The following RTTN variants were observed in gnomAD, a reference collection of about 807,000 sequenced individuals.
The protein encoded by RTTN is rotatin.
Under a neutral mutation model 269.2 loss-of-function variants are expected in RTTN, and 182 were observed. The ratio of observed to expected loss-of-function variants is 0.68; its 90% CI spans 0.60 to 0.76. The LOEUF (loss-of-function observed/expected upper bound fraction) is 0.76. Ranked by LOEUF, RTTN falls within the 30% of genes least tolerant of loss-of-function variation. The pLI, the probability that RTTN is intolerant of heterozygous loss-of-function variation, is 0.00. For missense variants in RTTN, 2,545 were observed against 2,608.6 expected (o/e 0.98, Z 0.53); for synonymous variants, 1,006 against 963.5 (o/e 1.04, Z -0.82).
rs544878234 is a variant in RTTN at position 70,149,263 on chromosome 18, C to A, written c.2173-226G>T. Among the ~76,000 whole-genome samples the A allele has an allele frequency of 3.9e-5, 6 of 152,080 alleles. 1 individual carries two copies. In the South Asian group the frequency reaches 1.2e-3, roughly 32 times the overall value. On this transcript the variant is annotated intron_variant, in intron 16 of 48. Coordinates refer to ENST00000640769, the MANE Select transcript of RTTN (RefSeq NM_173630.4). ...ACAGGAGAACTTCAGGAAAACATGCCAACCTTCTTGACACTTGCTGATTTT... is the reference window on the plus strand; with the variant it reads ...ACAGGAGAACTTCAGGAAAACATGCAAACCTTCTTGACACTTGCTGATTTT...
At position 70,127,748 on chromosome 18, in the gene RTTN, A is replaced by G. The variant is rs1479144320; in HGVS notation, c.3144-7T>C. On this transcript the variant is annotated splice_polypyrimidine_tract_variant and splice_region_variant and intron_variant, in intron 24 of 48. Transcript: ENST00000640769. Reference sequence around the variant, plus strand: ...CTTCAATGCATCTAAAATTCTAGACAAAAAGAAAAAAAATGAAGGAGGAAC... The same window carrying G: ...CTTCAATGCATCTAAAATTCTAGACGAAAAGAAAAAAAATGAAGGAGGAAC... The G allele has an allele frequency of 1.3e-6, 2 of 1,598,518 alleles. No homozygotes were observed. Among genetic ancestry groups the G allele is most frequent in the Non-Finnish European group, 1.7e-6 (2 of 1,169,352 alleles).
chr18:70,189,821 T>C (rs1172568000), intron 9 of RTTN, among the ~76,000 whole-genome samples: 3 of 152,236 alleles, frequency 2.0e-5, no homozygotes, highest in East Asian at 1.9e-4. Flanking sequence ...AACTGTTGTT[T>C]CATTACTAGA....
intron 28 of RTTN, among the ~76,000 whole-genome samples, chr18:70,097,469 C>T (rs1162970491): frequency 1.3e-5 from 2 of 152,110 alleles, no homozygotes; most frequent in Non-Finnish European, 2.9e-5. Flanking sequence ...GCAGATAGTC[C>T]CAAGATTAAA....
intron 10 of RTTN, among the ~76,000 whole-genome samples, chr18:70,185,300 G>C (rs73966830): frequency 0.028 from 4,294 of 152,166 alleles, 224 homozygotes; most frequent in African/African-American, 0.098. Flanking sequence ...AGATTTCTTA[G>C]ATAAAATATC....
chr18:70,201,825 A>G (rs2061960428), intron 4 of RTTN, 69 bp downstream of exon 4: 1 of 932,784 alleles, frequency 1.1e-6, no homozygotes, highest in Non-Finnish European at 1.7e-6. Context: ...CATCTTCACA[A>G]TAACGAAAAA....
chr18:70,088,178 C>T (rs1455032958), intron 30 of RTTN, 31 bp from the exon 31 acceptor site: 1 of 1,569,702 alleles, frequency 6.4e-7, no homozygotes, highest in Non-Finnish European at 8.6e-7. Flanking sequence ...GTTGTTGAAT[C>T]AAATAAGCCT....
chr18:70,192,305 C>T (rs2061690530), intron 8 of RTTN, among the ~76,000 whole-genome samples: 1 of 152,098 alleles, frequency 6.6e-6, no homozygotes, highest in Non-Finnish European at 1.5e-5. Context: ...ATGTTTCTAA[C>T]ACATTTGCAC....
In RTTN at chr18:70,108,352, C is replaced by T. The variant is rs374857725; in HGVS notation, c.3903+1146G>A. Reference sequence around the variant, plus strand: ...AAAACTGCAAACCAAGATTGTTTCACGATCAAATTCTACCTAACATTAGAG... The same window carrying T: ...AAAACTGCAAACCAAGATTGTTTCATGATCAAATTCTACCTAACATTAGAG... On this transcript the variant is annotated intron_variant, in intron 28 of 48. Coordinates refer to ENST00000640769, the MANE Select transcript of RTTN (RefSeq NM_173630.4). Among the ~76,000 whole-genome samples, 12 of 151,800 alleles carry T rather than the reference C, an allele frequency of 7.9e-5. No homozygotes were observed. The East Asian group carries it at 1.2e-3, about 15-fold the overall frequency.
In RTTN at chr18:70,140,168, C is replaced by A. The variant is rs960039652; in HGVS notation, c.2602G>T (p.Val868Leu). The A allele has an allele frequency of 6.3e-7, 1 of 1,585,326 alleles. No individual in the cohort carries two copies. The highest frequency in any genetic ancestry group is 8.7e-7 in the Non-Finnish European group (1 of 1,155,310). Residue 868 changes from valine to leucine, a missense_variant, in exon 20 of 49, where the codon GTG becomes TTG. Transcript: ENST00000640769. ...TTGTCAATTAAGCATAACTTTTTCA[C>A]CACAGCATGCATTTTAATATCTGTA... ...IMQDIKMHAVVKKLCLIDKII... is the reference protein window; with the variant it reads ...IMQDIKMHAVLKKLCLIDKII...
chr18:70,116,910 T>C (rs1038661914), intron 26 of RTTN, among the ~76,000 whole-genome samples: 1 of 39,184 alleles, frequency 2.6e-5, no homozygotes, highest in Admixed American at 4.3e-4. Flanking sequence ...ATTTGTGAAC[T>C]TCCATCAAAA....
chr18:70,135,974 G>A (rs1292846056), intron 21 of RTTN, among the ~76,000 whole-genome samples: 5 of 152,048 alleles, frequency 3.3e-5, no homozygotes, highest in Non-Finnish European at 5.9e-5. Context: ...AAAGAAGTAC[G>A]ATGTTATCTC....
At chr18:70,182,307 AT>A in intron 10 of RTTN, among the ~76,000 whole-genome samples, 1 of 152,230 alleles carries the variant, frequency 6.6e-6, no homozygotes, top group East Asian at 1.9e-4. Context: ...TCTGTAATTT[AT>A]TTTTTTATAT....
intron 30 of RTTN, among the ~76,000 whole-genome samples, chr18:70,089,277 A>G (rs747663530): frequency 2.0e-5 from 3 of 152,206 alleles, no homozygotes; most frequent in Non-Finnish European, 2.9e-5. Flanking sequence ...TGGTGGCCTC[A>G]GGAAGGAGAG....
chr18:70,067,366 A>G (rs1430948225), intron 34 of RTTN, among the ~76,000 whole-genome samples: 6 of 152,166 alleles, frequency 3.9e-5, no homozygotes, highest in African/African-American at 1.2e-4. Context: ...TCACTGTGTT[A>G]GCCAGGATGG....
chr18:70,204,319 A>G, intron 2 of RTTN, 56 bp from the exon 3 acceptor site: 1 of 1,459,136 alleles, frequency 6.9e-7, no homozygotes, highest in Non-Finnish European at 9.3e-7. Context: ...TCTATAACTT[A>G]CAGCAATCAA....
rs1490439010 is a variant in RTTN at position 70,205,271 on chromosome 18, G to C, written c.76C>G (p.Leu26Val). The C allele has an allele frequency of 1.1e-5, 18 of 1,614,214 alleles. No individual in the cohort carries two copies. Among genetic ancestry groups the C allele is most frequent in the Non-Finnish European group, 1.5e-5 (18 of 1,180,052 alleles). ...EIRERALKSI[L>V]CKIEHNLICY... is the part of the protein sequence containing the mutation. ...ATTAAGTTGTGCTCAATCTTGCAGA[G>C]AATACTCTTGAGAGCGCGCTCCCTG... The change falls in exon 2 of 49, where the codon CTC (leucine) becomes GTC (valine). Residue 26 changes from leucine (L) to valine (V), a missense_variant. Transcript: ENST00000640769.
In RTTN at chr18:70,168,664, G is replaced by A. The variant is rs145370734; in HGVS notation, c.1689+191C>T. ...ATATACACCATTAATTAAAGTCTTCGTTTTACTTCTATACAAATCATATCC... is the reference window on the plus strand; with the variant it reads ...ATATACACCATTAATTAAAGTCTTCATTTTACTTCTATACAAATCATATCC... On this transcript the variant is annotated intron_variant, in intron 12 of 48. Transcript: ENST00000640769. Among the ~76,000 whole-genome samples, 439 of 152,054 alleles carry A rather than the reference G, an allele frequency of 2.9e-3. 1 individual carries two copies. Among genetic ancestry groups the A allele is most frequent in the African/African-American group, 9.8e-3 (405 of 41,496 alleles).
chr18:70,140,256 T>C, intron 19 of RTTN, 68 bp from the exon 20 acceptor site: 1 of 827,506 alleles, frequency 1.2e-6, no homozygotes. Context: ...TATTTTGAAA[T>C]ACTCAGAACT....
intron 27 of RTTN, among the ~76,000 whole-genome samples, chr18:70,112,411 A>G: frequency 6.7e-6 from 1 of 148,694 alleles, no homozygotes; most frequent in Non-Finnish European, 1.5e-5. Context: ...CAGGAGACCC[A>G]TCTCACATGC....
Sources: gnomAD v4.1 joint callset for allele counts (sites outside exome capture counted in the v4.1 genomes callset) on GRCh38, gnomAD v4.1.1 for gene constraint, MANE v1.5 for transcripts, NCBI Gene and HGNC (gene_info 2026-07-23, HGNC 2026-07-21) for gene names.